The following ARID4B variants were observed in gnomAD, a reference collection of about 807,000 sequenced individuals.
ARID4B encodes AT-rich interactive domain-containing protein 4B.
Under a neutral mutation model 147.5 loss-of-function variants are expected in ARID4B, and 26 were observed. The ratio of observed to expected loss-of-function variants is 0.18; its 90% CI spans 0.13 to 0.24. The LOEUF (loss-of-function observed/expected upper bound fraction) is 0.24, where lower values mean the gene tolerates loss of function less well. ARID4B is among the 10% of genes least tolerant of loss of function. The probability of loss-of-function intolerance (pLI) is 1.00; values close to 1 mark genes in which losing one functional copy is unlikely to be tolerated. For missense variants in ARID4B, 1,179 were observed against 1,511.5 expected, an observed-to-expected ratio of 0.78 and a Z score of 3.65; for synonymous variants, 512 against 507.9, an observed-to-expected ratio of 1.01 and a Z score of -0.11.
intron 17 of ARID4B, among the ~76,000 whole-genome samples, chr1:235,204,912 TATC>T (rs1666209228): frequency 6.6e-6 from 1 of 151,094 alleles, no homozygotes; most frequent in Non-Finnish European, 1.5e-5. Flanking sequence ...ATAACTGAAT[TATC>T]ATCTTTTTTT....
At chr1:235,248,055 A>G (rs1440435229) in intron 6 of ARID4B, among the ~76,000 whole-genome samples, 1 of 152,024 alleles carries the variant, frequency 6.6e-6, no homozygotes, top group East Asian at 1.9e-4. Flanking sequence ...CCAAACAGAA[A>G]CTATTTTTAT....
At chr1:235,244,485 A>G (rs1479383073) in intron 7 of ARID4B, among the ~76,000 whole-genome samples, 2 of 152,198 alleles carry the variant, frequency 1.3e-5, no homozygotes, top group Non-Finnish European at 2.9e-5. Flanking sequence ...CTTGCTTTAA[A>G]AAAAATTTAG....
rs927640179 is a variant in ARID4B at position 235,216,860 on chromosome 1, A to C, written c.1584-2834T>G. On this transcript the variant is annotated intron_variant, in intron 16 of 23. Transcript: ENST00000264183. ...TCTATCTTTGCATAGTGGGGAAAAG[A>C]AGCATATTTTATTGTGGCCACAATA... 2.6e-5 allele frequency among the ~76,000 whole-genome samples: 4 copies of C among 152,084 alleles called. 1 individual carries two copies. The highest frequency in any genetic ancestry group is 4.1e-4 in the South Asian group (2 of 4,826).
intron 2 of ARID4B, among the ~76,000 whole-genome samples, chr1:235,306,881 C>T (rs1673611598): frequency 6.6e-6 from 1 of 152,042 alleles, no homozygotes; most frequent in African/African-American, 2.4e-5. Flanking sequence ...TAGTCTCAAA[C>T]TCAAAGTAAA....
chr1:235,246,447 G>A lies in ARID4B; in HGVS notation c.419C>T (p.Thr140Ile), dbSNP rs1211882636. The change falls in exon 7 of 24, where the codon ACA (threonine) becomes ATA (isoleucine). Residue 140 changes from threonine to isoleucine, a missense_variant. Coordinates refer to ENST00000264183, the MANE Select transcript of ARID4B (RefSeq NM_016374.6). ...HFGTPVIGKK[T>I]NRGRRSNHIP... ...ATGATTAGATCTTCTTCCTCTATTTGTTTTCTTTCCTATGACTGGAGTGCC... is the reference window on the plus strand; with the variant it reads ...ATGATTAGATCTTCTTCCTCTATTTATTTTCTTTCCTATGACTGGAGTGCC... The A allele has an allele frequency of 6.2e-7, 1 of 1,612,786 alleles. No individual in the cohort carries two copies. The highest frequency in any genetic ancestry group is 8.5e-7 in the Non-Finnish European group (1 of 1,178,818).
intron 2 of ARID4B, among the ~76,000 whole-genome samples, chr1:235,270,597 T>A (rs1252086933): frequency 6.6e-6 from 1 of 152,232 alleles, no homozygotes; most frequent in African/African-American, 2.4e-5. Context: ...AGAAATATTC[T>A]AACTAGAATT....
chr1:235,251,934 A>G (rs149871268), intron 6 of ARID4B, among the ~76,000 whole-genome samples: 1,565 of 152,308 alleles, frequency 0.01, 24 homozygotes, highest in African/African-American at 0.033. Context: ...TTGGTGCTAG[A>G]AAGTGCTGGT....
rs138666274 is a variant in ARID4B at position 235,224,816 on chromosome 1, G to C, written c.898-41C>G. The C allele has an allele frequency of 6.4e-5, 87 of 1,357,406 alleles. 1 individual carries two copies. In the African/African-American group the frequency reaches 1.0e-3, roughly 16 times the overall value. The allele number at this position is 1,357,406 out of a possible 1,614,324, so 84.1% of individuals were successfully genotyped here. ...GAAGAATATTATTTTCTTCAATTAA[G>C]CATTTTAATAAAACAAGCAGATTTC... On this transcript the variant is annotated intron_variant, in intron 11 of 23. Transcript: ENST00000264183.
intron 16 of ARID4B, among the ~76,000 whole-genome samples, chr1:235,214,588 C>G (rs192039914): frequency 1.6e-3 from 242 of 152,210 alleles, no homozygotes; most frequent in Non-Finnish European, 2.0e-3. Context: ...ACCGAATTTT[C>G]AAATGTTATA....
At chr1:235,275,587 C>T (rs1671270235) in intron 2 of ARID4B, among the ~76,000 whole-genome samples, 1 of 152,172 alleles carries the variant, frequency 6.6e-6, no homozygotes, top group African/African-American at 2.4e-5. Flanking sequence ...CCATGAGATG[C>T]TCTGTACCCT....
intron 3 of ARID4B, among the ~76,000 whole-genome samples, chr1:235,258,635 T>C (rs1670123336): frequency 6.6e-6 from 1 of 152,216 alleles, no homozygotes; most frequent in Non-Finnish European, 1.5e-5. Context: ...ATTGAATCAT[T>C]AACATGGTCT....
intron 2 of ARID4B, among the ~76,000 whole-genome samples, chr1:235,288,099 G>T (rs1022650167): frequency 6.6e-5 from 10 of 152,172 alleles, no homozygotes; most frequent in Non-Finnish European, 1.2e-4. Context: ...CTGAAGTCAG[G>T]AATTTCTCAA....
chr1:235,236,877 T>A (rs1334689582), intron 8 of ARID4B, among the ~76,000 whole-genome samples: 4 of 91,012 alleles, frequency 4.4e-5, no homozygotes, highest in African/African-American at 1.7e-4. Flanking sequence ...TTTTTTTTTT[T>A]TTTTTTTTTT....
intron 19 of ARID4B, among the ~76,000 whole-genome samples, chr1:235,193,781 T>C (rs1339241352): frequency 2.6e-5 from 4 of 152,168 alleles, no homozygotes; most frequent in Non-Finnish European, 5.9e-5. Context: ...ATTTAGAATT[T>C]TCGGATTTGG....
intron 17 of ARID4B, among the ~76,000 whole-genome samples, chr1:235,205,030 G>A (rs1467509655): frequency 2.0e-5 from 3 of 152,086 alleles, no homozygotes; most frequent in Non-Finnish European, 4.4e-5. Context: ...ACTGTCAAAT[G>A]GTCATTTTAT....
At chr1:235,185,348 AT>A (rs1290621277) in intron 19 of ARID4B, among the ~76,000 whole-genome samples, 2 of 152,214 alleles carry the variant, frequency 1.3e-5, no homozygotes, top group Non-Finnish European at 2.9e-5. Context: ...ACTTTTCTGC[AT>A]GTTACATCTT....
At chr1:235,210,554 T>C (rs191206912) in intron 17 of ARID4B, among the ~76,000 whole-genome samples, 2 of 151,912 alleles carry the variant, frequency 1.3e-5, no homozygotes, top group Non-Finnish European at 2.9e-5. Flanking sequence ...AGACTGATTA[T>C]TGCAGAAAGA....
At chr1:235,280,476 G>A (rs1374313290) in intron 2 of ARID4B, among the ~76,000 whole-genome samples, 1 of 152,220 alleles carries the variant, frequency 6.6e-6, no homozygotes, top group Non-Finnish European at 1.5e-5. Context: ...GCATCGCAAA[G>A]AAATAGTCAT....
chr1:235,305,725 G>A (rs554831511), intron 2 of ARID4B, among the ~76,000 whole-genome samples: 2 of 152,310 alleles, frequency 1.3e-5, no homozygotes, highest in African/African-American at 4.8e-5. Context: ...TTAGGAGGCA[G>A]AGGCAGGGGG....
Sources: gnomAD v4.1 joint callset for allele counts (sites outside exome capture counted in the v4.1 genomes callset) on GRCh38, gnomAD v4.1.1 for gene constraint, MANE v1.5 for transcripts, NCBI Gene and HGNC (gene_info 2026-07-23, HGNC 2026-07-21) for gene names.